HEMK2: variants seen among roughly 807,000 people sequenced by gnomAD.
The protein encoded by HEMK2 is methyltransferase HEMK2.
the HEMK2 span, among the ~76,000 whole-genome samples, chr21:28,802,727 T>C: frequency 6.6e-6 from 1 of 152,204 alleles, no homozygotes; most frequent in Non-Finnish European, 1.5e-5. Flanking sequence ...TGAGACTCCG[T>C]CTCGAAAACA....
the HEMK2 span, among the ~76,000 whole-genome samples, chr21:28,740,946 G>A: frequency 6.6e-6 from 1 of 151,960 alleles, no homozygotes; most frequent in Non-Finnish European, 1.5e-5. Context: ...TTGGACACAG[G>A]GCACTGTTCA....
the HEMK2 span, among the ~76,000 whole-genome samples, chr21:28,838,972 A>AAAAAAATATATATATATATAT: frequency 6.9e-5 from 2 of 29,152 alleles, no homozygotes; most frequent in Non-Finnish European, 1.1e-4. Flanking sequence ...AAAAAAAAAA[A>AAAAAAATATATATATATATAT]ATATATATAT....
the HEMK2 span, among the ~76,000 whole-genome samples, chr21:28,767,636 T>C: frequency 6.6e-6 from 1 of 152,088 alleles, no homozygotes; most frequent in African/African-American, 2.4e-5. Context: ...GAAATGACTT[T>C]ACTGGAATCC....
the HEMK2 span, among the ~76,000 whole-genome samples, chr21:28,864,081 T>G: frequency 4.3e-3 from 656 of 152,294 alleles, 3 homozygotes; most frequent in African/African-American, 0.015. Flanking sequence ...TCCACCCACC[T>G]TGGCCTCCCA....
the HEMK2 span, among the ~76,000 whole-genome samples, chr21:28,594,562 C>A: frequency 2.6e-5 from 4 of 152,102 alleles, no homozygotes; most frequent in African/African-American, 4.8e-5. Context: ...GGCAATACTG[C>A]CTTTTTTATA....
At chr21:28,853,815 G>A in the HEMK2 span, among the ~76,000 whole-genome samples, 5 of 152,134 alleles carry the variant, frequency 3.3e-5, no homozygotes, top group Admixed American at 2.0e-4. Context: ...GAGTTTACAC[G>A]CTCAATGTCC....
chr21:28,713,544 C>G, the HEMK2 span, among the ~76,000 whole-genome samples: 2 of 152,154 alleles, frequency 1.3e-5, no homozygotes, highest in Admixed American at 6.5e-5. Flanking sequence ...TACAGTTCCT[C>G]TTGCTAGGAT....
At chr21:28,607,753 A>G in the HEMK2 span, among the ~76,000 whole-genome samples, 1 of 152,252 alleles carries the variant, frequency 6.6e-6, no homozygotes, top group African/African-American at 2.4e-5. Flanking sequence ...AAATGAACGA[A>G]TAAGTGAATG....
chr21:28,640,931 C>T, the HEMK2 span, among the ~76,000 whole-genome samples: 1 of 152,224 alleles, frequency 6.6e-6, no homozygotes, highest in African/African-American at 2.4e-5. Context: ...TAGGTGAAGA[C>T]ACCCTTTGAC....
the HEMK2 span, among the ~76,000 whole-genome samples, chr21:28,733,864 C>T: frequency 1.4e-5 from 1 of 73,072 alleles, no homozygotes; most frequent in Non-Finnish European, 2.4e-5. Flanking sequence ...CTGCGACAGC[C>T]TCTCCCCACC....
the HEMK2 span, among the ~76,000 whole-genome samples, chr21:28,796,393 G>A: frequency 6.6e-6 from 1 of 152,188 alleles, no homozygotes; most frequent in Non-Finnish European, 1.5e-5. Flanking sequence ...GTCTGCCTCA[G>A]CCTCCCAAAG....
At chr21:28,815,618 T>C in the HEMK2 span, among the ~76,000 whole-genome samples, 2 of 151,926 alleles carry the variant, frequency 1.3e-5, no homozygotes, top group Non-Finnish European at 2.9e-5. Flanking sequence ...ATTCCATGCC[T>C]CCAACACATT....
At chr21:28,676,360 C>T in the HEMK2 span, among the ~76,000 whole-genome samples, 1 of 152,110 alleles carries the variant, frequency 6.6e-6, no homozygotes, top group South Asian at 2.1e-4. Flanking sequence ...TGGATTAGGG[C>T]CCACAATAGG....
At chr21:28,790,430 CAG>C in the HEMK2 span, among the ~76,000 whole-genome samples, 1 of 152,154 alleles carries the variant, frequency 6.6e-6, no homozygotes, top group Non-Finnish European at 1.5e-5. Context: ...CAGACTGCCA[CAG>C]AGAGTACCAA....
chr21:28,772,311 C>T, the HEMK2 span, among the ~76,000 whole-genome samples: 167 of 152,268 alleles, frequency 1.1e-3, no homozygotes, highest in South Asian at 9.5e-3. Context: ...ACTTTGAAAG[C>T]ATGCAATCAA....
At chr21:28,615,476 G>A in the HEMK2 span, among the ~76,000 whole-genome samples, 1 of 151,674 alleles carries the variant, frequency 6.6e-6, no homozygotes, top group African/African-American at 2.4e-5. Context: ...AGGACCAGCA[G>A]AGAGGAATGT....
At chr21:28,630,754 G>A in the HEMK2 span, among the ~76,000 whole-genome samples, 1 of 123,730 alleles carries the variant, frequency 8.1e-6, no homozygotes, top group Non-Finnish European at 1.6e-5. Flanking sequence ...ACAGGAAGGG[G>A]AACATCACAT....
the HEMK2 span, among the ~76,000 whole-genome samples, chr21:28,625,920 T>G: frequency 1.3e-5 from 2 of 152,012 alleles, no homozygotes; most frequent in Non-Finnish European, 2.9e-5. Flanking sequence ...ATTTAAAAAA[T>G]CATTCTAAGA....
the HEMK2 span, among the ~76,000 whole-genome samples, chr21:28,751,874 T>C: frequency 1.3e-5 from 2 of 152,266 alleles, no homozygotes; most frequent in Non-Finnish European, 2.9e-5. Flanking sequence ...AGATGGGGTT[T>C]CTCCATATTG....
Sources: gnomAD v4.1 joint callset for allele counts (sites outside exome capture counted in the v4.1 genomes callset) on GRCh38, gnomAD v4.1.1 for gene constraint, MANE v1.5 for transcripts, NCBI Gene and HGNC (gene_info 2026-07-23, HGNC 2026-07-21) for gene names.